ANO1: variants seen among roughly 807,000 people sequenced by gnomAD.
ANO1 encodes the protein anoctamin-1.
A neutral mutation model predicts 124.0 loss-of-function variants in ANO1; 59 were observed. The observed-to-expected ratio is 0.48, with a 90% CI of 0.39 to 0.59. ANO1 has a LOEUF of 0.59. ANO1 is among the 20% of genes least tolerant of loss of function. The pLI is 0.00. For synonymous variants in ANO1, 529 were observed against 532.0 expected (o/e 0.99, Z 0.08); for missense variants, 1,059 against 1,328.0 (o/e 0.80, Z 3.15).
At chr11:70,180,093 C>T (rs780535344) in intron 23 of ANO1, 37 bp downstream of exon 23, 5 of 1,590,738 alleles carry the variant, frequency 3.1e-6, no homozygotes, top group Non-Finnish European at 3.4e-6. Flanking sequence ...AATGGAAGTC[C>T]CGGCTGAACT....
At chr11:69,996,070 C>T (rs1444506155) in intron 1 of ANO1, among the ~76,000 whole-genome samples, 1 of 152,236 alleles carries the variant, frequency 6.6e-6, no homozygotes, top group Non-Finnish European at 1.5e-5. Flanking sequence ...GATATTGCAT[C>T]ATTGCACTCC....
intron 2 of ANO1, among the ~76,000 whole-genome samples, chr11:70,095,366 G>GAA (rs1163682798): frequency 2.5e-3 from 62 of 24,394 alleles, no homozygotes; most frequent in East Asian, 1.0e-2. Flanking sequence ...AAGAAAGAAA[G>GAA]AAAGAAAGAA....
intron 22 of ANO1, among the ~76,000 whole-genome samples, chr11:70,179,608 CT>C (rs1269691921): frequency 1.3e-5 from 2 of 152,198 alleles, no homozygotes; most frequent in African/African-American, 4.8e-5. Context: ...CATGTCTGGC[CT>C]ATCCCTAAAT....
intron 14 of ANO1, among the ~76,000 whole-genome samples, chr11:70,155,382 C>T (rs571147013): frequency 1.3e-5 from 2 of 152,352 alleles, no homozygotes; most frequent in East Asian, 3.9e-4. Context: ...GAGGCACCCC[C>T]AGGCCCTGTC....
intron 1 of ANO1, among the ~76,000 whole-genome samples, chr11:70,019,929 G>C (rs546694333): frequency 1.4e-4 from 22 of 152,258 alleles, no homozygotes; most frequent in Admixed American, 5.2e-4. Context: ...AGGCCTCGGA[G>C]TGGGAAGGGG....
chr11:69,980,756 T>TA, the ANO1 span, among the ~76,000 whole-genome samples: 1 of 151,114 alleles, frequency 6.6e-6, no homozygotes. Flanking sequence ...TTATCACAAT[T>TA]AAAAAATAAA....
chr11:70,143,898 C>T (rs2047250726), intron 11 of ANO1, among the ~76,000 whole-genome samples: 1 of 152,162 alleles, frequency 6.6e-6, no homozygotes, highest in South Asian at 2.1e-4. Context: ...GCATTTAGCA[C>T]ATGTTATGCA....
chr11:70,030,999 C>T (rs140316181), intron 1 of ANO1, among the ~76,000 whole-genome samples: 50 of 152,352 alleles, frequency 3.3e-4, no homozygotes, highest in African/African-American at 1.2e-3. Context: ...GGCTGGAGTG[C>T]AGTGGCACAA....
chr11:69,977,836 C>T, the ANO1 span, among the ~76,000 whole-genome samples: 5 of 152,206 alleles, frequency 3.3e-5, no homozygotes, highest in East Asian at 1.9e-4. Flanking sequence ...GATCTGAGGT[C>T]GGGTTTAGCT....
intron 1 of ANO1, among the ~76,000 whole-genome samples, chr11:70,063,053 T>C (rs1555007998): frequency 6.6e-6 from 1 of 151,948 alleles, no homozygotes; most frequent in East Asian, 1.9e-4. Context: ...CCTCAGCCTC[T>C]TGAGTAGCTG....
chr11:69,970,564 G>A, the ANO1 span, among the ~76,000 whole-genome samples: 1 of 152,178 alleles, frequency 6.6e-6, no homozygotes. Context: ...GGGGAACTCT[G>A]TGACCTCGGG....
chr11:70,105,924 G>A (rs1391182209), intron 5 of ANO1, 136 bp downstream of exon 5: 3 of 980,392 alleles, frequency 3.1e-6, no homozygotes, highest in Non-Finnish European at 4.6e-6. Flanking sequence ...TTAGAATAAT[G>A]AAAGGGAGAG....
chr11:70,154,717 C>G (rs1280813235), intron 14 of ANO1, among the ~76,000 whole-genome samples: 1 of 152,134 alleles, frequency 6.6e-6, no homozygotes, highest in Non-Finnish European at 1.5e-5. Context: ...ATCCACCCGC[C>G]TCAGTCTCCC....
At chr11:70,052,999 T>C (rs572701106) in intron 1 of ANO1, among the ~76,000 whole-genome samples, 58 of 152,388 alleles carry the variant, frequency 3.8e-4, no homozygotes, top group African/African-American at 1.3e-3. Context: ...TTGTTTGTTC[T>C]TATGCATTTA....
chr11:70,102,942 C>A, intron 2 of ANO1, 124 bp from the exon 3 acceptor site: 2 of 657,380 alleles, frequency 3.0e-6, no homozygotes, highest in South Asian at 2.0e-5. Flanking sequence ...TGGAATGAGG[C>A]CGCGGTAAAA....
intron 1 of ANO1, chr11:70,072,721 C>T (rs531450428): frequency 1.3e-5 from 2 of 152,454 alleles, no homozygotes; most frequent in African/African-American, 2.4e-5. Flanking sequence ...AGGGATGCAA[C>T]TTTGGTGCAC....
chr11:70,134,762 G>C (rs1027428918), intron 11 of ANO1, among the ~76,000 whole-genome samples: 1 of 152,154 alleles, frequency 6.6e-6, no homozygotes, highest in Admixed American at 6.6e-5. Flanking sequence ...ACACTGTGCC[G>C]GGCCCCAGGG....
chr11:69,999,264 T>C (rs1326616832), intron 1 of ANO1, among the ~76,000 whole-genome samples: 1 of 152,044 alleles, frequency 6.6e-6, no homozygotes, highest in East Asian at 1.9e-4. Flanking sequence ...AGAGACAGCA[T>C]GGAGGTGCCA....
At chr11:70,068,801 G>GT (rs1857796566) in intron 1 of ANO1, among the ~76,000 whole-genome samples, 1 of 152,138 alleles carries the variant, frequency 6.6e-6, no homozygotes, top group African/African-American at 2.4e-5. Context: ...AGTCCCAGTG[G>GT]TCATCTAAGG....
Sources: allele counts gnomAD v4.1 joint callset (sites outside exome capture counted in the v4.1 genomes callset), GRCh38; gene constraint gnomAD v4.1.1; transcripts MANE v1.5; gene names NCBI Gene and HGNC (gene_info 2026-07-23, HGNC 2026-07-21).